C2CD2: variants seen among roughly 807,000 people sequenced by gnomAD.
C2CD2 encodes C2 calcium dependent domain containing 2.
A neutral mutation model predicts 74.3 loss-of-function variants in C2CD2; 43 were observed. That is an observed-to-expected ratio of 0.58 (90% CI 0.45 to 0.75). The LOEUF is 0.75. Among genes scored for constraint, C2CD2 ranks in the 30% least tolerant of loss-of-function variants. The pLI, the probability that C2CD2 is intolerant of heterozygous loss-of-function variation, is 0.00. For synonymous variants in C2CD2, 422 were observed against 390.7 expected, an observed-to-expected ratio of 1.08 and a Z score of -0.94; for missense variants, 801 against 916.3, an observed-to-expected ratio of 0.87 and a Z score of 1.63.
At chr21:41,891,260 T>C (rs573247391) in intron 13 of C2CD2, among the ~76,000 whole-genome samples, 3 of 152,244 alleles carry the variant, frequency 2.0e-5, no homozygotes, top group Admixed American at 6.5e-5. Context: ...GATGTCCCTG[T>C]TGTCCACAGG....
Position 41,889,201 on chromosome 21 carries a change from T to G in C2CD2, c.2014A>C (p.Ile672Leu), listed in dbSNP as rs373762862. Reference protein sequence around the residue: ...SRRKGITLTRILNKKLLSRHR... With the variant: ...SRRKGITLTRLLNKKLLSRHR... ...CTGGAGAGCAGCTTCTTGTTCAGGA[T>G]CCTGGTGAGGGTGATGCCTTTCCTC... Residue 672 changes from isoleucine (I) to leucine (L), a missense_variant, in exon 14 of 14, where the codon ATC becomes CTC. Ile to Leu is a conservative substitution (Grantham distance 5). Coordinates refer to ENST00000380486, the MANE Select transcript of C2CD2 (RefSeq NM_015500.2). 4.3e-6 allele frequency: 7 copies of G among 1,613,356 alleles called. No individual in the cohort carries two copies. The highest frequency in any genetic ancestry group is 5.9e-6 in the Non-Finnish European group (7 of 1,180,040).
chr21:41,909,812 G>T (rs780327007), intron 7 of C2CD2, among the ~76,000 whole-genome samples: 1 of 152,044 alleles, frequency 6.6e-6, no homozygotes, highest in Non-Finnish European at 1.5e-5. Flanking sequence ...CTGGAGAGGT[G>T]GCCAGTGCAA....
chr21:41,889,658 G>C (rs1373139260), intron 13 of C2CD2, among the ~76,000 whole-genome samples: 2 of 149,602 alleles, frequency 1.3e-5, no homozygotes, highest in Admixed American at 6.7e-5. Flanking sequence ...TTGAGACAGA[G>C]TCTTGCTGTC....
rs187312602 is a variant in C2CD2 at position 41,901,600 on chromosome 21, T to A, written c.1560+22A>T. 1.6e-4 allele frequency: 253 copies of A among 1,613,854 alleles called. 1 individual carries two copies. The African/African-American group carries it at 2.8e-3, about 18-fold the overall frequency. ...ACTGACAGATGACCAGATGAACACC[T>A]CCCCAGCCACCACGATGGTACCTTG... On this transcript the variant is annotated intron_variant, in intron 12 of 13. Transcript: ENST00000380486.
At chr21:41,889,576 G>C (rs145742322) in intron 13 of C2CD2, among the ~76,000 whole-genome samples, 106 of 152,204 alleles carry the variant, frequency 7.0e-4, no homozygotes, top group African/African-American at 2.5e-3. Context: ...GAAGCAGTAA[G>C]CCTGAACTAT....
chr21:41,927,872 G>T (rs1294361682), intron 2 of C2CD2, among the ~76,000 whole-genome samples: 2 of 152,134 alleles, frequency 1.3e-5, no homozygotes, highest in Non-Finnish European at 2.9e-5. Flanking sequence ...CTCTTTTGGG[G>T]GAAGCCTCCA....
At chr21:41,953,016 CAGTA>C (rs2065462320) in intron 1 of C2CD2, 5 of 267,586 alleles carry the variant, frequency 1.9e-5, no homozygotes, top group Non-Finnish European at 3.5e-5. Context: ...TGTGCAAGCT[CAGTA>C]AGTGTCCGAT....
intron 11 of C2CD2, among the ~76,000 whole-genome samples, chr21:41,902,837 A>T (rs1237322690): frequency 6.6e-6 from 1 of 152,062 alleles, no homozygotes; most frequent in Non-Finnish European, 1.5e-5. Context: ...GAGCTGGGGC[A>T]TCCTTCTCAT....
chr21:41,946,557 C>T (rs530516484), intron 1 of C2CD2, among the ~76,000 whole-genome samples: 2 of 152,158 alleles, frequency 1.3e-5, no homozygotes, highest in South Asian at 2.1e-4. Context: ...CTGAGGCCTC[C>T]GCAGAAGCAG....
At chr21:41,944,549 A>C (rs2065383603) in intron 1 of C2CD2, among the ~76,000 whole-genome samples, 1 of 151,124 alleles carries the variant, frequency 6.6e-6, no homozygotes, top group Non-Finnish European at 1.5e-5. Context: ...AAAAGAAAAG[A>C]AAAGAGTTTG....
rs373134522 is a variant in C2CD2, at chr21:41,923,397, C to G, written c.379-1312G>C. Among the ~76,000 whole-genome samples the G allele has an allele frequency of 2.1e-4, 32 of 152,186 alleles. No homozygotes were observed. The highest frequency in any genetic ancestry group is 7.5e-4 in the African/African-American group (31 of 41,518). On this transcript the variant is annotated intron_variant, in intron 2 of 13. Transcript: ENST00000380486. This position sits in a 1 kb window ranked among gnomAD's most constrained non-coding sequence, Gnocchi z 5.8. ...ATTCATACACAGTCAAAGCCATTAGCCAAGTTCTTTTGCTAAAAATGAGTC... is the reference window on the plus strand; with the variant it reads ...ATTCATACACAGTCAAAGCCATTAGGCAAGTTCTTTTGCTAAAAATGAGTC...
intron 10 of C2CD2, among the ~76,000 whole-genome samples, 168 bp from the exon 11 acceptor site, chr21:41,906,005 G>C (rs977924671): frequency 6.6e-6 from 1 of 152,206 alleles, no homozygotes; most frequent in Non-Finnish European, 1.5e-5. Flanking sequence ...GTGGTGTCTG[G>C]AGTCCAGGTT....
rs548603932 is a variant in C2CD2, at chr21:41,918,483, G to C, written c.598-256C>G. 2.2e-4 allele frequency among the ~76,000 whole-genome samples: 33 copies of C among 152,322 alleles called. No individual in the cohort carries two copies. In the South Asian group the frequency reaches 6.2e-3, roughly 29 times the overall value. On this transcript the variant is annotated intron_variant, in intron 4 of 13. Transcript: ENST00000380486. ...GCCTGATCGTCAGACATGGTGGAGCGTCAAGCAGGTACCTACGGTGTCATT... is the reference window on the plus strand; with the variant it reads ...GCCTGATCGTCAGACATGGTGGAGCCTCAAGCAGGTACCTACGGTGTCATT...
intron 11 of C2CD2, among the ~76,000 whole-genome samples, chr21:41,902,793 C>CAA (rs11284396): frequency 6.9e-6 from 1 of 145,700 alleles, no homozygotes; most frequent in African/African-American, 2.5e-5. Context: ...GCACAGAGAA[C>CAA]AAAAAAAAAA....
At chr21:41,908,243 T>TTGTGTGTGTGTGTGTGTGTGTG (rs10528071) in intron 8 of C2CD2, 48,330 of 168,398 alleles carry the variant, frequency 0.29, 8,996 homozygotes, top group Non-Finnish European at 0.35. Flanking sequence ...TACCCTCAAG[T>TTGTGTGTGTGTGTGTGTGTGTG]TGTGTGTGTG....
chr21:41,919,426 T>C (rs569253627), intron 3 of C2CD2, among the ~76,000 whole-genome samples: 2 of 152,312 alleles, frequency 1.3e-5, no homozygotes, highest in South Asian at 4.1e-4. Context: ...TTCCTGCCCC[T>C]TCTCTGGCCT....
At chr21:41,921,875 A>G (rs536566100) in intron 3 of C2CD2, 97 bp downstream of exon 3, 1 of 716,498 alleles carries the variant, frequency 1.4e-6, no homozygotes, top group African/African-American at 1.8e-5. Flanking sequence ...TAATAAAAAC[A>G]TGAACGTTAC....
rs968339126 is a variant in C2CD2 at position 41,929,118 on chromosome 21, T to G, written c.379-7033A>C. ...TTTAAAAAGTAAAAAAAAAAAAAAG[T>G]AATAAAAATGCAAAAAGATCACACT... On this transcript the variant is annotated intron_variant, in intron 2 of 13. Transcript: ENST00000380486. The surrounding 1 kb of genome is among the most constrained non-coding windows in gnomAD (Gnocchi z 4.6). 6.7e-6 allele frequency among the ~76,000 whole-genome samples: 1 copy of G among 150,288 alleles called. No homozygotes were observed. The highest frequency in any genetic ancestry group is 2.5e-5 in the African/African-American group (1 of 40,746).
At chr21:41,906,237 A>T (rs1390999998) in intron 10 of C2CD2, among the ~76,000 whole-genome samples, 1 of 152,250 alleles carries the variant, frequency 6.6e-6, no homozygotes, top group Non-Finnish European at 1.5e-5. Context: ...CTCAAATGAC[A>T]GTCCGTCAAG....
Sources: gnomAD v4.1 joint callset for allele counts (sites outside exome capture counted in the v4.1 genomes callset) on GRCh38, gnomAD v4.1.1 for gene constraint, Gnocchi (gnomAD v3.1) non-coding constraint, MANE v1.5 for transcripts, NCBI Gene and HGNC (gene_info 2026-07-23, HGNC 2026-07-21) for gene names.